Variants in ITGB1 observed in about 807,000 individuals in gnomAD.
ITGB1 encodes integrin beta-1.
Under a neutral mutation model 86.5 loss-of-function variants are expected in ITGB1, and 24 were observed. The observed-to-expected ratio is 0.28, with a 90% CI of 0.20 to 0.39. The LOEUF (loss-of-function observed/expected upper bound fraction) is 0.39, where lower values mean the gene tolerates loss of function less well. ITGB1 is among the 10% of genes least tolerant of loss of function. The pLI, the probability that ITGB1 is intolerant of heterozygous loss-of-function variation, is 1.00. For synonymous variants in ITGB1, 323 were observed against 316.8 expected, an observed-to-expected ratio of 1.02 and a Z score of -0.21; for missense variants, 556 against 946.9, an observed-to-expected ratio of 0.59 and a Z score of 5.42.
At chr10:32,931,413 T>C (rs1354495443) in intron 3 of ITGB1, among the ~76,000 whole-genome samples, 1 of 152,100 alleles carries the variant, frequency 6.6e-6, no homozygotes, top group Non-Finnish European at 1.5e-5. Flanking sequence ...CTACCACTTA[T>C]TTAGAAGTTT....
Position 32,944,761 on chromosome 10 carries a change from T to C in ITGB1, c.1-9203A>G, listed in dbSNP as rs372627180. 37 of 720,076 alleles carry C rather than the reference T, an allele frequency of 5.1e-5. No homozygotes were observed. The East Asian group carries it at 6.9e-4, about 13-fold the overall frequency. The allele number at this position is 720,076 out of a possible 1,614,324, so 44.6% of individuals were successfully genotyped here. A position where few individuals can be genotyped will look rare whatever the true frequency, so the allele number is the denominator to read the frequency against. On this transcript the variant is annotated intron_variant, in intron 1 of 15. Coordinates refer to ENST00000302278, the MANE Select transcript of ITGB1 (RefSeq NM_002211.4). ...TTGAGGTCATTAAACAATGCCTTACTGCTCGCTAGATTCATCCTGCCAGTG... is the reference window on the plus strand; with the variant it reads ...TTGAGGTCATTAAACAATGCCTTACCGCTCGCTAGATTCATCCTGCCAGTG...
intron 11 of ITGB1, among the ~76,000 whole-genome samples, chr10:32,918,034 G>A (rs907062197): frequency 1.3e-5 from 2 of 152,172 alleles, no homozygotes; most frequent in East Asian, 1.9e-4. Flanking sequence ...ATGAGTTCAC[G>A]TCCTTTGTAG....
At chr10:32,924,903 T>C (rs1450816847) in intron 6 of ITGB1, among the ~76,000 whole-genome samples, 1 of 152,244 alleles carries the variant, frequency 6.6e-6, no homozygotes, top group Admixed American at 6.5e-5. Flanking sequence ...ATGAGGTAGA[T>C]ACTATCATGA....
chr10:32,912,544 C>G (rs866869644), intron 11 of ITGB1, among the ~76,000 whole-genome samples: 2 of 152,212 alleles, frequency 1.3e-5, no homozygotes, highest in African/African-American at 4.8e-5. Context: ...GGGTCCCACA[C>G]CCATGGAGCC....
chr10:32,941,993 GAC>G (rs1456456695), intron 1 of ITGB1, among the ~76,000 whole-genome samples: 1 of 152,172 alleles, frequency 6.6e-6, no homozygotes, highest in Non-Finnish European at 1.5e-5. Flanking sequence ...AAGAGTTAGA[GAC>G]ACAGACATGA....
At chr10:32,914,956 A>C (rs1167906591) in intron 11 of ITGB1, among the ~76,000 whole-genome samples, 1 of 152,248 alleles carries the variant, frequency 6.6e-6, no homozygotes, top group Non-Finnish European at 1.5e-5. Flanking sequence ...AGAAATTATA[A>C]CAAACTGTCT....
chr10:32,916,292 T>C (rs897124035), intron 11 of ITGB1, among the ~76,000 whole-genome samples: 1 of 152,160 alleles, frequency 6.6e-6, no homozygotes, highest in African/African-American at 2.4e-5. Context: ...TTCAACACAG[T>C]GTTGGAAGTT....
chr10:32,931,064 T>C (rs2094981879), intron 3 of ITGB1, among the ~76,000 whole-genome samples: 1 of 152,290 alleles, frequency 6.6e-6, no homozygotes, highest in East Asian at 1.9e-4. Flanking sequence ...CAATAGTTTT[T>C]ACATAAGATT....
intron 15 of ITGB1, among the ~76,000 whole-genome samples, chr10:32,903,665 T>G (rs1294708075): frequency 6.6e-6 from 1 of 151,990 alleles, no homozygotes; most frequent in Non-Finnish European, 1.5e-5. Flanking sequence ...ATGGACAAAC[T>G]CAGGATCCCT....
At chr10:32,945,000 C>A in intron 1 of ITGB1, 1 of 780,180 alleles carries the variant, frequency 1.3e-6, no homozygotes, top group Non-Finnish European at 2.2e-6. Context: ...GCCATTACTC[C>A]ATGAGGAGAA....
In ITGB1 at chr10:32,911,433, T is replaced by C; in HGVS notation, c.1931+15A>G. 1.9e-6 allele frequency: 3 copies of C among 1,606,654 alleles called. No individual in the cohort carries two copies. Among genetic ancestry groups the C allele is most frequent in the Non-Finnish European group, 1.7e-6 (2 of 1,173,680 alleles). ...AGGAAGTATCAACTATTTCAAGCAA[T>C]TAGGAAATACTTACTTATGCTCAGC... is the stretch of plus-strand genomic sequence containing the variant. On this transcript the variant is annotated intron_variant, in intron 13 of 15. Transcript: ENST00000302278.
chr10:32,925,734 T>C lies in ITGB1; in HGVS notation c.786+137A>G, dbSNP rs560350721. The C allele has an allele frequency of 1.5e-5, 10 of 660,238 alleles. No homozygotes were observed. The African/African-American group carries it at 1.8e-4, about 12-fold the overall frequency. The allele number at this position is 660,238 out of a possible 1,614,324, so 40.9% of individuals were successfully genotyped here. A position where few individuals can be genotyped will look rare whatever the true frequency, so the allele number is the denominator to read the frequency against. ...TATGTATACAGGCAATTTAAGGGTTTACTTAAAATTACTTCTCTAAGATAA... is the reference window on the plus strand; with the variant it reads ...TATGTATACAGGCAATTTAAGGGTTCACTTAAAATTACTTCTCTAAGATAA... On this transcript the variant is annotated intron_variant, in intron 6 of 15. Coordinates refer to ENST00000302278, the MANE Select transcript of ITGB1 (RefSeq NM_002211.4).
At chr10:32,935,215 C>T (rs1004647869) in intron 2 of ITGB1, among the ~76,000 whole-genome samples, 29 of 152,204 alleles carry the variant, frequency 1.9e-4, no homozygotes, top group African/African-American at 6.3e-4. Flanking sequence ...TTCACTTACA[C>T]ACTCTCATGT....
chr10:32,952,035 ATC>A (rs2095043658), intron 1 of ITGB1, among the ~76,000 whole-genome samples: 6 of 152,204 alleles, frequency 3.9e-5, no homozygotes, highest in Admixed American at 3.9e-4. Context: ...CTTCCTCTCC[ATC>A]CTGTCTGTGG....
chr10:32,914,465 G>A (rs1310094090), intron 11 of ITGB1, among the ~76,000 whole-genome samples: 3 of 152,118 alleles, frequency 2.0e-5, no homozygotes, highest in Admixed American at 1.3e-4. Flanking sequence ...AAGGGATGAA[G>A]GAAGATCTAC....
chr10:32,913,852 GAC>G (rs1593858441), intron 11 of ITGB1, among the ~76,000 whole-genome samples: 1 of 152,138 alleles, frequency 6.6e-6, no homozygotes, highest in African/African-American at 2.4e-5. Flanking sequence ...GCAACTCCAA[GAC>G]ACATGATTGT....
intron 1 of ITGB1, among the ~76,000 whole-genome samples, chr10:32,956,848 G>T (rs1420136754): frequency 6.6e-6 from 1 of 152,124 alleles, no homozygotes; most frequent in African/African-American, 2.4e-5. Context: ...GGGCTGAAAA[G>T]GAGTCAATAC....
chr10:32,940,343 CAAAA>C, intron 1 of ITGB1, among the ~76,000 whole-genome samples: 1 of 108,982 alleles, frequency 9.2e-6, no homozygotes, highest in African/African-American at 3.1e-5. Flanking sequence ...GACTCCATCT[CAAAA>C]AAAAAAAAAA....
chr10:32,950,885 T>C (rs1262293247), intron 1 of ITGB1, among the ~76,000 whole-genome samples: 1 of 152,262 alleles, frequency 6.6e-6, no homozygotes, highest in East Asian at 1.9e-4. Flanking sequence ...ATACAACAGA[T>C]TGAAGATAAA....
Sources: gnomAD v4.1 joint callset for allele counts (sites outside exome capture counted in the v4.1 genomes callset) on GRCh38, gnomAD v4.1.1 for gene constraint, MANE v1.5 for transcripts, NCBI Gene and HGNC (gene_info 2026-07-23, HGNC 2026-07-21) for gene names.